Variants in ADAMTS2 observed in about 807,000 individuals in gnomAD.
ADAMTS2 encodes A disintegrin and metalloproteinase with thrombospondin motifs 2.
Under a neutral mutation model 123.0 loss-of-function variants are expected in ADAMTS2, and 50 were observed. The ratio of observed to expected loss-of-function variants is 0.41; its 90% CI spans 0.32 to 0.51. ADAMTS2 has a LOEUF of 0.51. Among genes scored for constraint, ADAMTS2 ranks in the 20% least tolerant of loss-of-function variants. The probability of loss-of-function intolerance (pLI) is 0.35; values close to 1 mark genes in which losing one functional copy is unlikely to be tolerated. For synonymous variants in ADAMTS2, 678 were observed against 695.4 expected (o/e 0.98, Z 0.39); for missense variants, 1,494 against 1,705.2 (o/e 0.88, Z 2.18).
intron 10 of ADAMTS2, among the ~76,000 whole-genome samples, chr5:179,140,389 C>T (rs1763143076): frequency 6.6e-6 from 1 of 152,194 alleles, no homozygotes; most frequent in Non-Finnish European, 1.5e-5. Flanking sequence ...ATACCACTGG[C>T]CTATCAGGCC....
At chr5:179,131,423 G>C (rs1424198379) in intron 15 of ADAMTS2, among the ~76,000 whole-genome samples, 2 of 152,022 alleles carry the variant, frequency 1.3e-5, no homozygotes, top group Non-Finnish European at 1.5e-5. Flanking sequence ...AAATAAAAGG[G>C]CATGGTATGT....
In ADAMTS2 at chr5:179,152,259, G is replaced by A. The variant is rs2113246886; in HGVS notation, c.1516-4C>T. The A allele has an allele frequency of 6.2e-7, 1 of 1,613,756 alleles. No individual in the cohort carries two copies. The highest frequency in any genetic ancestry group is 8.5e-7 in the Non-Finnish European group (1 of 1,179,740). On this transcript the variant is annotated splice_region_variant and splice_polypyrimidine_tract_variant and intron_variant, in intron 9 of 21. Transcript: ENST00000251582. ...TGCAGGGGTCAAAGGTCCGGAACTG[G>A]AAGACAGCACCATAGCTTGCCAGGT...
At chr5:179,179,964 C>T (rs368291825) in intron 5 of ADAMTS2, among the ~76,000 whole-genome samples, 12 of 152,258 alleles carry the variant, frequency 7.9e-5, no homozygotes, top group South Asian at 2.1e-4. Flanking sequence ...ACCACAGGCT[C>T]GAATTCTGCT....
chr5:179,121,589 C>G lies in ADAMTS2; in HGVS notation c.3178+72G>C. 3.1e-6 allele frequency: 4 copies of G among 1,289,662 alleles called. No homozygotes were observed. The South Asian group carries it at 4.4e-5, about 14-fold the overall frequency. 79.9% of individuals were successfully genotyped at this position (1,289,662 alleles called of 1,614,324 possible). On this transcript the variant is annotated intron_variant, in intron 21 of 21. Transcript: ENST00000251582. ...TTTCCATAGACAGAGAGGAGGGGGG[C>G]CCAAGGCAAGCTCCACAGGGCGCAG... is the stretch of plus-strand genomic sequence containing the variant.
chr5:179,273,672 C>G (rs1012572468), intron 2 of ADAMTS2, among the ~76,000 whole-genome samples: 1 of 152,100 alleles, frequency 6.6e-6, no homozygotes, highest in Non-Finnish European at 1.5e-5. Flanking sequence ...AACACATGCC[C>G]CTGCAACTGG....
rs895564216 is a variant in ADAMTS2, at chr5:179,129,237, A to T, written c.2457+695T>A. On this transcript the variant is annotated intron_variant, in intron 16 of 21. Transcript: ENST00000251582. The surrounding 1 kb of genome is among the most constrained non-coding windows in gnomAD (Gnocchi z 4.1). ...AGGCAGGCAGGGTGCCAGGGGGTAC[A>T]CGGGGCATACCTGGCTCACTGCTGC... is the stretch of plus-strand genomic sequence containing the variant. Among the ~76,000 whole-genome samples, 1 of 152,160 alleles carries T rather than the reference A, an allele frequency of 6.6e-6. No individual in the cohort carries two copies. The highest frequency in any genetic ancestry group is 2.4e-5 in the African/African-American group (1 of 41,442).
chr5:179,326,334 C>A (rs1188157556), intron 2 of ADAMTS2, among the ~76,000 whole-genome samples: 1 of 151,814 alleles, frequency 6.6e-6, no homozygotes, highest in Non-Finnish European at 1.5e-5. Context: ...GTGATGTCAG[C>A]GGCTCCTGGC....
rs1417482416 is a variant in ADAMTS2 at position 179,111,062 on chromosome 5, T to C, written c.*2805A>G. ...TGCTTCATCTGCTAAGATGTTGCTA[T>C]TGAGCACCATGTATATACTCAAAAC... On this transcript the variant is annotated 3_prime_UTR_variant, in exon 22 of 22. Transcript: ENST00000251582. 2 of 152,196 alleles carry C rather than the reference T, an allele frequency of 1.3e-5. No homozygotes were observed. Among genetic ancestry groups the C allele is most frequent in the Non-Finnish European group, 2.9e-5 (2 of 68,038 alleles). The allele number at this position is 152,196 out of a possible 1,614,324, so 9.4% of individuals were successfully genotyped here.
intron 12 of ADAMTS2, 67 bp downstream of exon 12, chr5:179,137,702 G>GCGCCCCC: frequency 1.3e-6 from 2 of 1,510,860 alleles, no homozygotes. Flanking sequence ...AGAGGCACAA[G>GCGCCCCC]CCCCCACCCT....
rs1246321782 is a variant in ADAMTS2, at chr5:179,285,119, C to G, written c.535-12055G>C. ...AGCCGACTGGCAGCACCATCACCAT[C>G]ATGATGATCATGGCATGACAGCTGT... On this transcript the variant is annotated intron_variant, in intron 2 of 21. Coordinates refer to ENST00000251582, the MANE Select transcript of ADAMTS2 (RefSeq NM_014244.5). This position sits in a 1 kb window ranked among gnomAD's most constrained non-coding sequence, Gnocchi z 4.9. Among the ~76,000 whole-genome samples the G allele has an allele frequency of 6.6e-6, 1 of 152,224 alleles. No individual in the cohort carries two copies. Among genetic ancestry groups the G allele is most frequent in the Non-Finnish European group, 1.5e-5 (1 of 68,040 alleles).
chr5:179,281,263 C>A (rs1339862798), intron 2 of ADAMTS2, among the ~76,000 whole-genome samples: 1 of 152,156 alleles, frequency 6.6e-6, no homozygotes, highest in Non-Finnish European at 1.5e-5. Flanking sequence ...TCAACCATAA[C>A]CACTATTGAT....
intron 4 of ADAMTS2, among the ~76,000 whole-genome samples, chr5:179,182,599 G>A (rs1764073216): frequency 6.6e-6 from 1 of 152,138 alleles, no homozygotes; most frequent in South Asian, 2.1e-4. Flanking sequence ...AACAAAGATG[G>A]CACCGATCGT....
At chr5:179,328,088 G>C (rs1757360888) in intron 2 of ADAMTS2, among the ~76,000 whole-genome samples, 1 of 152,218 alleles carries the variant, frequency 6.6e-6, no homozygotes, top group Non-Finnish European at 1.5e-5. Flanking sequence ...GAGTGCAGTG[G>C]TGCAAGCGAT....
intron 3 of ADAMTS2, among the ~76,000 whole-genome samples, chr5:179,220,259 T>G (rs1241215231): frequency 6.6e-6 from 1 of 152,176 alleles, no homozygotes; most frequent in African/African-American, 2.4e-5. Flanking sequence ...CCAGGGGTTG[T>G]GTTCTGAACG....
chr5:179,121,735 G>A lies in ADAMTS2; in HGVS notation c.3104C>T (p.Pro1035Leu), dbSNP rs1028862410. Residue 1035 changes from proline (P) to leucine (L), a missense_variant, in exon 21 of 22, where the codon CCC becomes CTC. Around this residue, in one of 6 missense-constraint regions of ADAMTS2, gnomAD observed 953 missense variants for 1,124.7 expected, o/e 0.85. Coordinates refer to ENST00000251582, the MANE Select transcript of ADAMTS2 (RefSeq NM_014244.5). The part of the protein sequence containing the change: ...LGPCPRNISD[P>L]SKKSYVVQWL... ...CTGAACTACGTAGCTCTTCTTGGAG[G>A]GATCTGAGATGTTTCCTAGAGGGAG... The A allele has an allele frequency of 6.3e-7, 1 of 1,580,292 alleles. No individual in the cohort carries two copies. The highest frequency in any genetic ancestry group is 1.8e-5 in the Admixed American group (1 of 56,852).
intron 3 of ADAMTS2, among the ~76,000 whole-genome samples, chr5:179,223,743 GTGTA>G (rs531414096): frequency 5.7e-4 from 87 of 152,304 alleles, no homozygotes; most frequent in Admixed American, 1.0e-3. Flanking sequence ...TCACATGTGA[GTGTA>G]TGTGAGTGCA....
rs1757694210 is a variant in ADAMTS2 at position 179,338,959 on chromosome 5, CTT to C, written c.534+4806_534+4807del. ...GAGGAGAGTGGGGAGAGCCACGTGA[CTT>C]GAGTATGGGGTCATCCAGGGAAGGG... On this transcript the variant is annotated intron_variant, in intron 2 of 21. Coordinates refer to ENST00000251582, the MANE Select transcript of ADAMTS2 (RefSeq NM_014244.5). 2.0e-5 allele frequency among the ~76,000 whole-genome samples: 3 copies of C among 152,022 alleles called. No individual in the cohort carries two copies. The South Asian group carries it at 6.2e-4, about 32-fold the overall frequency.
At chr5:179,159,284 A>G (rs540633555) in intron 5 of ADAMTS2, among the ~76,000 whole-genome samples, 2 of 152,244 alleles carry the variant, frequency 1.3e-5, no homozygotes, top group Admixed American at 6.5e-5. Context: ...AAGAGCTCAC[A>G]GTTTTGGGAG....
chr5:179,153,483 A>G lies in ADAMTS2; in HGVS notation c.1515+8T>C, dbSNP rs1561780197. 1.2e-6 allele frequency: 2 copies of G among 1,607,390 alleles called. No homozygotes were observed. On this transcript the variant is annotated splice_region_variant and intron_variant, in intron 9 of 21. Transcript: ENST00000251582. ...GGGAGGGTCCCGGCTGCAGGGCTGC[A>G]CACTCACCGCCGTGCACATCATGTA... is the stretch of plus-strand genomic sequence containing the variant.
Sources: allele counts gnomAD v4.1 joint callset (sites outside exome capture counted in the v4.1 genomes callset), GRCh38; gene constraint gnomAD v4.1.1; regional missense constraint gnomAD v4.1.1; non-coding constraint Gnocchi (gnomAD v3.1); transcripts MANE v1.5; gene names NCBI Gene and HGNC (gene_info 2026-07-23, HGNC 2026-07-21).